The following TGFA variants were observed in gnomAD, a reference collection of about 807,000 sequenced individuals.
TGFA encodes transforming growth factor alpha, also known as protransforming growth factor alpha.
A neutral mutation model predicts 21.7 loss-of-function variants in TGFA; 12 were observed. The observed-to-expected ratio is 0.55, with a 90% confidence interval of 0.35 to 0.90. The LOEUF is 0.90. Among genes scored for constraint, TGFA ranks in the 40% least tolerant of loss-of-function variants. The pLI, the probability that TGFA is intolerant of heterozygous loss-of-function variation, is 0.01. For missense variants in TGFA, 178 were observed against 210.8 expected (o/e 0.84, Z 0.96); for synonymous variants, 79 against 88.1 (o/e 0.90, Z 0.58).
Position 70,543,352 on chromosome 2 carries a change from A to G in TGFA, c.40+10376T>C, listed in dbSNP as rs536494535. Among the ~76,000 whole-genome samples, 195 of 151,882 alleles carry G rather than the reference A, an allele frequency of 1.3e-3. 1 individual carries two copies. The highest frequency in any genetic ancestry group is 4.6e-3 in the African/African-American group (189 of 41,420). On this transcript the variant is annotated intron_variant, in intron 1 of 5. Transcript: ENST00000295400. The stretch of plus-strand genomic sequence containing the variant: ...AGACCAGCCTGGCCAACATGGCAAA[A>G]CCCCATCTCTACTAAAGAATACAAA...
At chr2:70,455,374 C>G (rs1553490305) in intron 4 of TGFA, among the ~76,000 whole-genome samples, 1 of 152,192 alleles carries the variant, frequency 6.6e-6, no homozygotes, top group Non-Finnish European at 1.5e-5. Context: ...CTTAGGCAAC[C>G]TTGGAGGGTG....
chr2:70,478,361 C>A (rs1304873140), intron 2 of TGFA, among the ~76,000 whole-genome samples: 3 of 152,150 alleles, frequency 2.0e-5, no homozygotes, highest in Non-Finnish European at 4.4e-5. Flanking sequence ...ACCCTCTGGG[C>A]AGAAATCGCC....
rs11466253 is a variant in TGFA at position 70,465,103 on chromosome 2, T to C, written c.215+513A>G. Among the ~76,000 whole-genome samples the C allele has an allele frequency of 4.7e-3, 712 of 152,320 alleles. 10 individuals carry two copies. The highest frequency in any genetic ancestry group is 0.017 in the African/African-American group (701 of 41,572). On this transcript the variant is annotated intron_variant, in intron 3 of 5. Coordinates refer to ENST00000295400, the MANE Select transcript of TGFA (RefSeq NM_003236.4). ...AGCCAGGTGTGGAGACCACCATGCA[T>C]GTCCTGCATCTTTATTTCTAAGTCG... is the stretch of plus-strand genomic sequence containing the variant.
chr2:70,486,699 C>A (rs1671280818), intron 2 of TGFA, among the ~76,000 whole-genome samples: 1 of 152,140 alleles, frequency 6.6e-6, no homozygotes, highest in East Asian at 1.9e-4. Context: ...TGAGCTCAAG[C>A]TATCTGCCTG....
chr2:70,454,191 G>T (rs1308360633), intron 4 of TGFA, among the ~76,000 whole-genome samples: 1 of 152,178 alleles, frequency 6.6e-6, no homozygotes, highest in Non-Finnish European at 1.5e-5. Flanking sequence ...ATTTCCTAAG[G>T]TGAGCCAGGT....
chr2:70,475,164 A>G (rs911150238), intron 2 of TGFA, among the ~76,000 whole-genome samples: 3 of 152,168 alleles, frequency 2.0e-5, no homozygotes, highest in African/African-American at 7.2e-5. Context: ...CCAGCTTTCA[A>G]TTTTATCTAA....
chr2:70,462,551 A>T (rs1489547048), intron 3 of TGFA, among the ~76,000 whole-genome samples: 2 of 152,162 alleles, frequency 1.3e-5, no homozygotes, highest in African/African-American at 4.8e-5. Context: ...GGGGCGGCAC[A>T]CCTGAGTGAG....
intron 2 of TGFA, among the ~76,000 whole-genome samples, chr2:70,511,469 C>T (rs1461252777): frequency 6.6e-6 from 1 of 152,032 alleles, no homozygotes; most frequent in South Asian, 2.1e-4. Flanking sequence ...ACAGTGTTCA[C>T]CTGAAAAGAA....
chr2:70,486,330 T>C (rs528181814), intron 2 of TGFA, among the ~76,000 whole-genome samples: 103 of 152,330 alleles, frequency 6.8e-4, no homozygotes, highest in African/African-American at 2.4e-3. Context: ...TGAGTACCTC[T>C]AAGGTATACT....
Position 70,453,251 on chromosome 2 carries a change from T to C in TGFA, c.442A>G (p.Lys148Glu). ...GAGTGGCAGCAAGCGGTTCTTCCCT[T>C]CAGGAGGGCGCTGGGCTTCTCGTGC... ...CRHEKPSALLKGRTACCHSET... is the reference protein window; with the variant it reads ...CRHEKPSALLEGRTACCHSET... The change falls in exon 5 of 6, where the codon AAG becomes GAG. Residue 148 changes from lysine (K) to glutamate (E), a missense_variant. Lys to Glu is a moderately conservative substitution (Grantham distance 56, BLOSUM62 1). Coordinates refer to ENST00000295400, the MANE Select transcript of TGFA (RefSeq NM_003236.4). 3.7e-6 allele frequency: 6 copies of C among 1,613,936 alleles called. No homozygotes were observed. The highest frequency in any genetic ancestry group is 5.1e-6 in the Non-Finnish European group (6 of 1,179,852).
intron 2 of TGFA, among the ~76,000 whole-genome samples, chr2:70,476,585 G>T (rs2103739090): frequency 6.6e-6 from 1 of 152,314 alleles, no homozygotes; most frequent in East Asian, 1.9e-4. Context: ...TTGAGTCTTT[G>T]AACCATAATC....
intron 1 of TGFA, among the ~76,000 whole-genome samples, chr2:70,536,781 T>C (rs941089062): frequency 2.0e-5 from 3 of 152,202 alleles, no homozygotes; most frequent in African/African-American, 2.4e-5. Context: ...GCTTCCACTT[T>C]AGGAAACTAG....
chr2:70,486,712 A>C (rs1671281206), intron 2 of TGFA, among the ~76,000 whole-genome samples: 1 of 151,664 alleles, frequency 6.6e-6, no homozygotes, highest in Non-Finnish European at 1.5e-5. Flanking sequence ...TCTGCCTGCC[A>C]TGGCCCCCTA....
chr2:70,497,773 A>T (rs1671620560), intron 2 of TGFA, among the ~76,000 whole-genome samples: 1 of 152,182 alleles, frequency 6.6e-6, no homozygotes, highest in African/African-American at 2.4e-5. Flanking sequence ...AGTAAGAATC[A>T]TTTTACAGAA....
chr2:70,490,665 A>T (rs1290848970), intron 2 of TGFA, among the ~76,000 whole-genome samples: 1 of 152,222 alleles, frequency 6.6e-6, no homozygotes, highest in Non-Finnish European at 1.5e-5. Context: ...CATGTTGAGT[A>T]AATAATCAAG....
At chr2:70,469,801 C>G (rs1670680959) in intron 2 of TGFA, among the ~76,000 whole-genome samples, 1 of 152,202 alleles carries the variant, frequency 6.6e-6, no homozygotes, top group Admixed American at 6.5e-5. Context: ...AGCCTGAAAT[C>G]TGCTGAGGTT....
intron 1 of TGFA, chr2:70,553,467 C>A: frequency 7.1e-7 from 1 of 1,407,594 alleles, no homozygotes; most frequent in East Asian, 2.6e-5. Flanking sequence ...CCCGTTCACA[C>A]TCCGCTTCCC....
intron 2 of TGFA, among the ~76,000 whole-genome samples, chr2:70,477,631 A>C (rs1670978948): frequency 6.6e-6 from 1 of 152,174 alleles, no homozygotes; most frequent in Non-Finnish European, 1.5e-5. Flanking sequence ...CAGCAGAGGT[A>C]ACATGCTCCA....
chr2:70,484,122 C>T (rs1410880592), intron 2 of TGFA, among the ~76,000 whole-genome samples: 1 of 152,198 alleles, frequency 6.6e-6, no homozygotes, highest in Non-Finnish European at 1.5e-5. Context: ...TTCCTTCTCT[C>T]ACTTCTATAG....
Sources: gnomAD v4.1 joint callset for allele counts (sites outside exome capture counted in the v4.1 genomes callset) on GRCh38, gnomAD v4.1.1 for gene constraint, MANE v1.5 for transcripts, NCBI Gene and HGNC (gene_info 2026-07-23, HGNC 2026-07-21) for gene names.